BEST1: variants seen among roughly 807,000 people sequenced by gnomAD.
The protein encoded by BEST1 is bestrophin-1.
Under a neutral mutation model 63.3 loss-of-function variants are expected in BEST1, and 58 were observed. That is an observed-to-expected ratio of 0.92 (90% CI 0.74 to 1.14). BEST1 has a LOEUF of 1.14. BEST1 is among the 50% of genes most tolerant of loss of function. The probability of loss-of-function intolerance (pLI) is 0.00; values close to 1 mark genes in which losing one functional copy is unlikely to be tolerated. For synonymous variants in BEST1, 283 were observed against 291.6 expected, an observed-to-expected ratio of 0.97 and a Z score of 0.30; for missense variants, 671 against 740.1, an observed-to-expected ratio of 0.91 and a Z score of 1.08.
At position 61,964,194 on chromosome 11, in the gene BEST1, G is replaced by C; in HGVS notation, c.*72G>C. On this transcript the variant is annotated 3_prime_UTR_variant, in exon 11 of 11. Transcript: ENST00000378043. ...TGTACACCAGCAGGACACTGATCCA[G>C]TCACAGCCATACAGCTGTCCACACT... 2 of 1,610,162 alleles carry C rather than the reference G, an allele frequency of 1.2e-6. No individual in the cohort carries two copies. Among genetic ancestry groups the C allele is most frequent in the Non-Finnish European group, 8.5e-7 (1 of 1,178,660 alleles).
chr11:61,963,648 A>G (rs2134477500), intron 10 of BEST1: 1 of 1,052,100 alleles, frequency 9.5e-7, no homozygotes, highest in Non-Finnish European at 1.2e-6. Flanking sequence ...ATTATGATTG[A>G]AAACTTAAAA....
chr11:61,955,927 A>G lies in BEST1; in HGVS notation c.457A>G (p.Ser153Gly). 6.5e-6 allele frequency: 10 copies of G among 1,549,592 alleles called. No individual in the cohort carries two copies. The highest frequency in any genetic ancestry group is 8.7e-6 in the Non-Finnish European group (10 of 1,146,556). Residue 153 changes from serine to glycine, a missense_variant, in exon 4 of 11, where the codon AGC becomes GGC. Ser to Gly is a moderately conservative substitution (Grantham distance 56). Transcript: ENST00000378043. ...CACCGCAGTCTACAAGCGCTTCCCCAGCGCCCAGCACCTGGTGCAAGCAGG... is the reference window on the plus strand; with the variant it reads ...CACCGCAGTCTACAAGCGCTTCCCCGGCGCCCAGCACCTGGTGCAAGCAGG... ...VSTAVYKRFP[S>G]AQHLVQAGFM...
chr11:61,963,776 A>G (rs573571751), intron 10 of BEST1: 12 of 1,214,782 alleles, frequency 9.9e-6, no homozygotes, highest in Middle Eastern at 3.5e-4. Context: ...TGTGGAGGCA[A>G]GTGGATCACA....
At position 61,962,681 on chromosome 11, in the gene BEST1, C is replaced by G. The variant is rs1942196344; in HGVS notation, c.1527C>G (p.Ala509=). The change falls in exon 10 of 11, where the codon GCC becomes GCG. Residue 509 remains alanine (A), a synonymous_variant. Transcript: ENST00000378043. Reference sequence around the variant, plus strand: ...GCTTAAAGACTGTGAGTTCTGGGGCCAAGAAAAGTTTTGAATTGCTCTCAG... The same window carrying G: ...GCTTAAAGACTGTGAGTTCTGGGGCGAAGAAAAGTTTTGAATTGCTCTCAG... ...DKSLKTVSSG[A]KKSFELLSES... is the part of the protein sequence containing the mutation. 3 of 1,614,028 alleles carry G rather than the reference C, an allele frequency of 1.9e-6. No individual in the cohort carries two copies. The South Asian group carries it at 3.3e-5, about 18-fold the overall frequency.
chr11:61,955,953 T>TGGGC lies in BEST1; in HGVS notation c.481+5_481+8dup. The TGGGC allele has an allele frequency of 6.5e-7, 1 of 1,545,272 alleles. No individual in the cohort carries two copies. The highest frequency in any genetic ancestry group is 8.7e-7 in the Non-Finnish European group (1 of 1,143,814). ...GCGCCCAGCACCTGGTGCAAGCAGG[T>TGGGC]GGGCGGACCGGGAGCAACGGGGAGG... On this transcript the variant is annotated splice_region_variant and intron_variant, in intron 4 of 10. Coordinates refer to ENST00000378043, the MANE Select transcript of BEST1 (RefSeq NM_004183.4).
In BEST1 at chr11:61,956,640, G is replaced by A. The variant is rs1457454039; in HGVS notation, c.482-204G>A. 6.6e-5 allele frequency among the ~76,000 whole-genome samples: 10 copies of A among 152,162 alleles called. No individual in the cohort carries two copies. In the South Asian group the frequency reaches 1.9e-3, roughly 28 times the overall value. ...CCGCTGCACTCCAACCTCGGTGACA[G>A]AGCCAGACCCTTTCTCTGGAAATAA... is the stretch of plus-strand genomic sequence containing the variant. On this transcript the variant is annotated intron_variant, in intron 4 of 10. Coordinates refer to ENST00000378043, the MANE Select transcript of BEST1 (RefSeq NM_004183.4).
At chr11:61,965,353 A>C, downstream of BEST1, 1 of 1,605,234 alleles carries the variant, frequency 6.2e-7, no homozygotes, top group Non-Finnish European at 8.5e-7. Flanking sequence ...TGACACCCCT[A>C]GGATCTTTTG....
chr11:61,963,865 C>A, intron 10 of BEST1: 1 of 1,322,618 alleles, frequency 7.6e-7, no homozygotes, highest in Non-Finnish European at 9.8e-7. Flanking sequence ...ATCAGCTGGG[C>A]GTCGTGGTGT....
intron 7 of BEST1, 106 bp from the exon 8 acceptor site, chr11:61,959,392 G>A: frequency 9.1e-7 from 1 of 1,094,826 alleles, no homozygotes; most frequent in Non-Finnish European, 1.4e-6. Flanking sequence ...GGTCAGGCAG[G>A]AAGGGCGTCA....
rs2134472255 is a variant in BEST1 at position 61,962,843 on chromosome 11, A to G, written c.1689A>G (p.Ile563Met). Residue 563 changes from isoleucine to methionine, a missense_variant, in exon 10 of 11, where the codon ATA becomes ATG. Coordinates refer to ENST00000378043, the MANE Select transcript of BEST1 (RefSeq NM_004183.4). ...CTTTGGAACAATCACCAACCAACAT[A>G]CACACTACACTCAAAGATCACATGG... ...KEPLEQSPTN[I>M]HTTLKDHMDP... 2 of 1,614,162 alleles carry G rather than the reference A, an allele frequency of 1.2e-6. No individual in the cohort carries two copies. Among genetic ancestry groups the G allele is most frequent in the Non-Finnish European group, 1.7e-6 (2 of 1,180,024 alleles).
intron 7 of BEST1, chr11:61,959,272 G>T (rs1173962637): frequency 1.7e-6 from 1 of 597,964 alleles, no homozygotes. Context: ...ACAGCTGTGG[G>T]TGTTCAGGGA....
At chr11:61,962,930 C>A in intron 10 of BEST1, 37 bp downstream of exon 10, 1 of 1,614,180 alleles carries the variant, frequency 6.2e-7, no homozygotes, top group African/African-American at 1.3e-5. Context: ...ACTGCATTGC[C>A]CTGTGCCCCA....
Position 61,951,941 on chromosome 11 carries a change from C to T in BEST1, c.135C>T (p.Ile45=), listed in dbSNP as rs2134410137. The T allele has an allele frequency of 1.2e-6, 2 of 1,613,816 alleles. No homozygotes were observed. ...TAATCTTCCTGCTCTGCTACTACAT[C>T]ATCCGCTTTATTTATAGGTAAAGCT... ...EFLIFLLCYY[I]IRFIYRLALT... is the part of the protein sequence containing the mutation. The change falls in exon 2 of 11, where the codon ATC becomes ATT. Residue 45 remains isoleucine, a synonymous_variant. Coordinates refer to ENST00000378043, the MANE Select transcript of BEST1 (RefSeq NM_004183.4).
rs1942385781 is a variant in BEST1, at chr11:61,964,431, CTAA to C, written c.*311_*313del. The C allele has an allele frequency of 1.6e-6, 1 of 617,496 alleles. No individual in the cohort carries two copies. The highest frequency in any genetic ancestry group is 2.8e-6 in the Non-Finnish European group (1 of 356,632). The allele number at this position is 617,496 out of a possible 1,614,324, so 38.3% of individuals were successfully genotyped here. A position where few individuals can be genotyped will look rare whatever the true frequency, so the allele number is the denominator to read the frequency against. On this transcript the variant is annotated 3_prime_UTR_variant, in exon 11 of 11. Coordinates refer to ENST00000378043, the MANE Select transcript of BEST1 (RefSeq NM_004183.4). ...GCCACACCTTAGTATACTGCCCAAA[CTAA>C]TGAGTTTAATAAATACAAATACTCG... is the stretch of plus-strand genomic sequence containing the variant.
chr11:61,953,960 G>A (rs1201701189), intron 2 of BEST1, among the ~76,000 whole-genome samples: 4 of 151,952 alleles, frequency 2.6e-5, no homozygotes, highest in Admixed American at 6.6e-5. Flanking sequence ...TAAAATAAAG[G>A]ACAGATATAA....
rs1383818544 is a variant in BEST1 at position 61,955,331 on chromosome 11, G to C, written c.247+130G>C. ...GGGGGAACGCCAGCGGCAGGTCGGC[G>C]CCTCTCTGTAGGGAAAGGTGCGGAC... On this transcript the variant is annotated intron_variant, in intron 3 of 10. Transcript: ENST00000378043. The C allele has an allele frequency of 5.8e-6, 9 of 1,544,552 alleles. No individual in the cohort carries two copies. In the East Asian group the frequency reaches 9.6e-5, roughly 17 times the overall value.
Position 61,958,314 on chromosome 11 carries a change from G to A in BEST1, c.867+16G>A, listed in dbSNP as rs758028526. On this transcript the variant is annotated intron_variant, in intron 7 of 10. Transcript: ENST00000378043. ...CTGGCTGAAGGTGGGCCTCTCCAGG[G>A]CCCTGCTGGGCTGGAGGCATGGCCA... 1.9e-6 allele frequency: 3 copies of A among 1,614,076 alleles called. No individual in the cohort carries two copies. Among genetic ancestry groups the A allele is most frequent in the Non-Finnish European group, 2.5e-6 (3 of 1,180,036 alleles).
chr11:61,960,295 C>T (rs1028013095), intron 9 of BEST1: 126 of 588,086 alleles, frequency 2.1e-4, no homozygotes, highest in African/African-American at 2.0e-3. Flanking sequence ...CCAAATGGTG[C>T]ATTTGCTACT....
rs752998391 is a variant in BEST1, at chr11:61,958,160, G to A, written c.729G>A (p.Ala243=). Reference sequence around the variant, plus strand: ...CCTCCTCCCAGGTGGTGACTGTGGCGGTGTACAGCTTCTTCCTGACTTGTC... The same window carrying A: ...CCTCCTCCCAGGTGGTGACTGTGGCAGTGTACAGCTTCTTCCTGACTTGTC... The part of the protein sequence containing the change: ...PLVYTQVVTV[A]VYSFFLTCLV... Residue 243 remains alanine (A), a synonymous_variant, in exon 7 of 11, where the codon GCG becomes GCA. Transcript: ENST00000378043. 1.7e-5 allele frequency: 27 copies of A among 1,613,992 alleles called. No homozygotes were observed. The highest frequency in any genetic ancestry group is 9.3e-5 in the African/African-American group (7 of 74,902).
Sources: allele counts gnomAD v4.1 joint callset (sites outside exome capture counted in the v4.1 genomes callset), GRCh38; gene constraint gnomAD v4.1.1; transcripts MANE v1.5; gene names NCBI Gene and HGNC (gene_info 2026-07-23, HGNC 2026-07-21).